The following CPVL variants were observed in gnomAD, a reference collection of about 807,000 sequenced individuals.
The protein encoded by CPVL is carboxypeptidase vitellogenic like, also known as probable serine carboxypeptidase CPVL.
A neutral mutation model predicts 63.7 loss-of-function variants in CPVL; 51 were observed. The ratio of observed to expected loss-of-function variants is 0.80; its 90% CI spans 0.64 to 1.01. The LOEUF (loss-of-function observed/expected upper bound fraction) is 1.01, where lower values mean the gene tolerates loss of function less well. CPVL is among the 50% of genes least tolerant of loss of function. The pLI, the probability that CPVL is intolerant of heterozygous loss-of-function variation, is 0.00. For missense variants in CPVL, 530 were observed against 573.1 expected (o/e 0.92, Z 0.77); for synonymous variants, 195 against 206.0 (o/e 0.95, Z 0.46).
chr7:29,056,314 T>C (rs1315130032), intron 11 of CPVL, among the ~76,000 whole-genome samples: 1 of 152,226 alleles, frequency 6.6e-6, no homozygotes, highest in East Asian at 1.9e-4. Context: ...AATAGTTTCA[T>C]TGCCCTAAAA....
intron 12 of CPVL, chr7:29,013,056 A>G (rs1258164846): frequency 2.0e-5 from 3 of 152,224 alleles, no homozygotes; most frequent in African/African-American, 7.2e-5. Flanking sequence ...CCAGGAGAGA[A>G]TGAAATGGAA....
chr7:29,101,512 G>A (rs1003655925), intron 3 of CPVL, among the ~76,000 whole-genome samples: 2 of 152,158 alleles, frequency 1.3e-5, no homozygotes, highest in South Asian at 2.1e-4. Context: ...GAAGAATGGC[G>A]TGAACCCGGG....
intron 11 of CPVL, among the ~76,000 whole-genome samples, chr7:29,048,369 C>T (rs778723431): frequency 6.6e-6 from 1 of 152,236 alleles, no homozygotes; most frequent in East Asian, 1.9e-4. Context: ...TGGAAAAAGG[C>T]ATTTCATGCA....
intron 5 of CPVL, among the ~76,000 whole-genome samples, chr7:29,170,826 C>T (rs1312206565): frequency 6.6e-6 from 1 of 152,156 alleles, no homozygotes; most frequent in Admixed American, 6.5e-5. Flanking sequence ...AGGAGCAAGT[C>T]ACATCTTATG....
chr7:29,163,380 T>TA (rs1276752512), intron 5 of CPVL, among the ~76,000 whole-genome samples: 1 of 152,154 alleles, frequency 6.6e-6, no homozygotes, highest in Non-Finnish European at 1.5e-5. Flanking sequence ...TTTTCAACCT[T>TA]AAAAATGTTT....
chr7:29,179,232 T>G (rs1191446450), intron 5 of CPVL, among the ~76,000 whole-genome samples: 1 of 152,186 alleles, frequency 6.6e-6, no homozygotes. Flanking sequence ...CTCCATCCCC[T>G]CACACAGCAC....
At chr7:29,055,789 T>G (rs1227666159) in intron 11 of CPVL, among the ~76,000 whole-genome samples, 1 of 152,164 alleles carries the variant, frequency 6.6e-6, no homozygotes, top group Non-Finnish European at 1.5e-5. Flanking sequence ...TGCCTTTTGT[T>G]TTTCTGGTGT....
intron 6 of CPVL, among the ~76,000 whole-genome samples, chr7:29,088,462 T>C (rs961054757): frequency 3.8e-5 from 3 of 78,070 alleles, no homozygotes; most frequent in Non-Finnish European, 9.2e-5. Flanking sequence ...AAACTGGCTA[T>C]TTTTTTTTAA....
intron 11 of CPVL, among the ~76,000 whole-genome samples, chr7:29,058,192 C>T (rs1790931203): frequency 6.6e-6 from 1 of 152,048 alleles, no homozygotes; most frequent in African/African-American, 2.4e-5. Flanking sequence ...TTCTTGATGT[C>T]TTTTATCAGA....
intron 1 of CPVL, chr7:29,192,702 G>C (rs1783049972): frequency 6.6e-6 from 1 of 152,332 alleles, no homozygotes; most frequent in South Asian, 2.1e-4. Flanking sequence ...AGCATCCTGT[G>C]TTATCAGATT....
At chr7:29,079,463 T>A (rs184213025) in intron 7 of CPVL, among the ~76,000 whole-genome samples, 1 of 152,338 alleles carries the variant, frequency 6.6e-6, no homozygotes, top group East Asian at 1.9e-4. Context: ...TAAGCCTCGG[T>A]CACCTCACCT....
At chr7:28,999,557 G>A (rs1042366180) in intron 12 of CPVL, among the ~76,000 whole-genome samples, 9 of 152,104 alleles carry the variant, frequency 5.9e-5, no homozygotes, top group African/African-American at 2.2e-4. Flanking sequence ...CGCTCTCCTG[G>A]TATTTACTCA....
At chr7:29,004,113 C>A (rs973065688) in intron 12 of CPVL, among the ~76,000 whole-genome samples, 1 of 152,124 alleles carries the variant, frequency 6.6e-6, no homozygotes, top group Non-Finnish European at 1.5e-5. Flanking sequence ...TCTACATAAA[C>A]ATAAAGGATA....
intron 7 of CPVL, among the ~76,000 whole-genome samples, chr7:29,083,074 T>A (rs766875229): frequency 5.9e-5 from 9 of 152,182 alleles, no homozygotes; most frequent in Non-Finnish European, 1.3e-4. Flanking sequence ...TTGTCCTGAC[T>A]GCATAACTGG....
chr7:29,068,862 C>T (rs1018554732), intron 9 of CPVL, among the ~76,000 whole-genome samples: 5 of 151,032 alleles, frequency 3.3e-5, no homozygotes, highest in Non-Finnish European at 3.0e-5. Context: ...GCCCGGCTAA[C>T]TTTTTTGTAT....
chr7:29,109,676 C>T (rs1187091205), intron 3 of CPVL, among the ~76,000 whole-genome samples: 1 of 152,096 alleles, frequency 6.6e-6, no homozygotes, highest in African/African-American at 2.4e-5. Flanking sequence ...TTCATCTCTG[C>T]CCCTCTTCTC....
intron 1 of CPVL, among the ~76,000 whole-genome samples, chr7:29,127,741 G>A (rs1790185264): frequency 6.6e-6 from 1 of 152,164 alleles, no homozygotes; most frequent in South Asian, 2.1e-4. Context: ...GAGGGGTCCT[G>A]CCCTATACCC....
intron 5 of CPVL, among the ~76,000 whole-genome samples, chr7:29,154,469 A>T (rs1452395334): frequency 6.6e-6 from 1 of 152,178 alleles, no homozygotes; most frequent in African/African-American, 2.4e-5. Context: ...TTTCAAAAAC[A>T]TAAAAAGAGA....
chr7:29,052,966 C>CA (rs1312644437), intron 11 of CPVL, among the ~76,000 whole-genome samples: 1 of 151,996 alleles, frequency 6.6e-6, no homozygotes, highest in Non-Finnish European at 1.5e-5. Context: ...ACAAATAACC[C>CA]AATTAATTAG....
Sources: allele counts gnomAD v4.1 joint callset (sites outside exome capture counted in the v4.1 genomes callset), GRCh38; gene constraint gnomAD v4.1.1; transcripts MANE v1.5; gene names NCBI Gene and HGNC (gene_info 2026-07-23, HGNC 2026-07-21).